The following USP48 variants were observed in gnomAD, a reference collection of about 807,000 sequenced individuals.
USP48 encodes the protein ubiquitin specific peptidase 48, also known as ubiquitin carboxyl-terminal hydrolase 48.
A neutral mutation model predicts 150.7 loss-of-function variants in USP48; 43 were observed. The ratio of observed to expected loss-of-function variants is 0.29; its 90% CI spans 0.22 to 0.37. The LOEUF is 0.37. USP48 is among the 10% of genes least tolerant of loss of function. USP48 has a pLI of 1.00. For synonymous variants in USP48, 396 were observed against 425.9 expected (o/e 0.93, Z 0.86); for missense variants, 813 against 1,249.6 (o/e 0.65, Z 5.27).
At chr1:21,729,277 G>A (rs938327246) in intron 10 of USP48, among the ~76,000 whole-genome samples, 5 of 137,648 alleles carry the variant, frequency 3.6e-5, no homozygotes, top group Admixed American at 1.5e-4. Context: ...ATGAGACTCC[G>A]CCTCAAAAAA....
At chr1:21,697,766 G>A (rs35196659) in intron 22 of USP48, among the ~76,000 whole-genome samples, 7,712 of 151,552 alleles carry the variant, frequency 0.051, 243 homozygotes, top group Middle Eastern at 0.059. Flanking sequence ...TTTTATTTTA[G>A]AAGTACAAAA....
At chr1:21,694,494 C>T (rs1158768843) in intron 23 of USP48, among the ~76,000 whole-genome samples, 14 of 135,196 alleles carry the variant, frequency 1.0e-4, no homozygotes, top group Admixed American at 7.6e-4. Flanking sequence ...TGCTTGAACC[C>T]GGTAGGCGGA....
At chr1:21,721,226 T>C (rs2097720031) in intron 13 of USP48, 60 bp from the exon 14 acceptor site, 1 of 1,584,676 alleles carries the variant, frequency 6.3e-7, no homozygotes, top group Non-Finnish European at 8.6e-7. Context: ...TGTCCTCCCT[T>C]CTTTGCCTGT....
chr1:21,687,159 T>C, intron 25 of USP48, 32 bp downstream of exon 25: 1 of 1,605,464 alleles, frequency 6.2e-7, no homozygotes, highest in Non-Finnish European at 8.5e-7. Context: ...TAAAACCTAA[T>C]CAGCAGATTC....
intron 21 of USP48, 37 bp downstream of exon 21, chr1:21,703,475 G>C (rs751590237): frequency 1.3e-6 from 2 of 1,529,538 alleles, no homozygotes; most frequent in East Asian, 2.3e-5. Context: ...GAGCACGCTT[G>C]ATCATTACTA....
At chr1:21,683,869 G>A (rs2097573602) in intron 25 of USP48, among the ~76,000 whole-genome samples, 1 of 152,144 alleles carries the variant, frequency 6.6e-6, no homozygotes, top group East Asian at 1.9e-4. Flanking sequence ...ACGTATGAGT[G>A]AGAAAATACA....
In USP48 at chr1:21,679,361, T is replaced by A; in HGVS notation, c.*56A>T. 6.2e-7 allele frequency: 1 copy of A among 1,610,200 alleles called. No homozygotes were observed. ...CCACCTTTGCTTTAATGCCCTAACA[T>A]GTCAAACTCCTCTTCCCCTCTGGTC... is the stretch of plus-strand genomic sequence containing the variant. On this transcript the variant is annotated 3_prime_UTR_variant, in exon 27 of 27. Coordinates refer to ENST00000308271, the MANE Select transcript of USP48 (RefSeq NM_032236.8).
At chr1:21,706,342 T>C in intron 17 of USP48, 125 bp downstream of exon 17, 1 of 1,518,950 alleles carries the variant, frequency 6.6e-7, no homozygotes, top group Non-Finnish European at 8.9e-7. Flanking sequence ...GTAAATCCCC[T>C]GGTTAGATAA....
At chr1:21,695,037 G>C (rs1367503903) in intron 23 of USP48, 29 bp downstream of exon 23, 4 of 1,598,662 alleles carry the variant, frequency 2.5e-6, no homozygotes, top group African/African-American at 1.3e-5. Context: ...TTTAAGTCCA[G>C]AGCAAACTTG....
intron 22 of USP48, among the ~76,000 whole-genome samples, chr1:21,699,743 T>C (rs956959827): frequency 3.2e-4 from 48 of 151,548 alleles, no homozygotes; most frequent in Middle Eastern, 3.4e-3. Flanking sequence ...GTCGAACTCT[T>C]AACCTCAAGT....
Position 21,748,243 on chromosome 1 carries a change from T to C in USP48, c.803A>G (p.Tyr268Cys). The C allele has an allele frequency of 6.2e-7, 1 of 1,613,302 alleles. No homozygotes were observed. The highest frequency in any genetic ancestry group is 8.5e-7 in the Non-Finnish European group (1 of 1,179,738). ...TTTGCTTTGACAGTTCTCGCAAAAA[T>C]AGCGATTGTCTCCTTCTAATTTTTC... ...KEEKLEGDNR[Y>C]FCENCQSKQN... Residue 268 changes from tyrosine (Y) to cysteine (C), a missense_variant, in exon 7 of 27, where the codon TAT becomes TGT. Coordinates refer to ENST00000308271, the MANE Select transcript of USP48 (RefSeq NM_032236.8).
chr1:21,753,090 G>A lies in USP48; in HGVS notation c.442C>T (p.Leu148Phe). 6.2e-7 allele frequency: 1 copy of A among 1,610,312 alleles called. No individual in the cohort carries two copies. Among genetic ancestry groups the A allele is most frequent in the Non-Finnish European group, 8.5e-7 (1 of 1,179,140 alleles). ...TGCAACAAGGCAAACAAGTACTGGA[G>A]ATGCTCACAAATTGTTTGAGGCTCA... ...DYEPQTICEH[L>F]QYLFALLQNS... Residue 148 changes from leucine (L) to phenylalanine (F), a missense_variant, in exon 4 of 27, where the codon CTC (leucine) becomes TTC (phenylalanine). Transcript: ENST00000308271.
chr1:21,755,287 G>GTTA (rs2097829309), intron 3 of USP48, among the ~76,000 whole-genome samples: 4 of 151,962 alleles, frequency 2.6e-5, no homozygotes, highest in Admixed American at 2.0e-4. Flanking sequence ...AAGGCCAGGT[G>GTTA]CTGTGGCTCA....
In USP48 at chr1:21,746,934, CCAGA is replaced by C. The variant is rs1394747925; in HGVS notation, c.991+129_991+132del. 1.1e-5 allele frequency: 7 copies of C among 633,348 alleles called. No individual in the cohort carries two copies. The Admixed American group carries it at 2.1e-4, about 19-fold the overall frequency. The allele number at this position is 633,348 out of a possible 1,614,324, so 39.2% of individuals were successfully genotyped here. ...GGCTCTCCTAAAAAAGTCTTTGTTC[CCAGA>C]CAGAGGTTCCCAGAGAGAGATTAGC... On this transcript the variant is annotated intron_variant, in intron 8 of 26. Coordinates refer to ENST00000308271, the MANE Select transcript of USP48 (RefSeq NM_032236.8).
At chr1:21,746,025 A>T (rs1163684192) in intron 8 of USP48, among the ~76,000 whole-genome samples, 1 of 152,192 alleles carries the variant, frequency 6.6e-6, no homozygotes. Flanking sequence ...ATATTTATTT[A>T]GCACATTCCT....
intron 22 of USP48, among the ~76,000 whole-genome samples, chr1:21,700,104 T>A (rs1468302424): frequency 2.0e-5 from 3 of 151,426 alleles, no homozygotes; most frequent in Non-Finnish European, 4.4e-5. Flanking sequence ...GCACAAGATG[T>A]ATATATGCAC....
chr1:21,712,810 T>C (rs895118214), intron 15 of USP48, among the ~76,000 whole-genome samples: 2 of 151,908 alleles, frequency 1.3e-5, no homozygotes, highest in African/African-American at 4.8e-5. Flanking sequence ...TGTATTTTTG[T>C]AGAGATGGGG....
intron 9 of USP48, among the ~76,000 whole-genome samples, chr1:21,731,675 G>T (rs1002930363): frequency 1.3e-5 from 2 of 151,826 alleles, no homozygotes; most frequent in African/African-American, 4.8e-5. Context: ...GAGGTCAGGA[G>T]TTCGAGGCCA....
intron 8 of USP48, among the ~76,000 whole-genome samples, chr1:21,746,520 C>T (rs761135815): frequency 9.2e-5 from 14 of 152,086 alleles, no homozygotes; most frequent in Admixed American, 2.0e-4. Context: ...TAAAACAGTC[C>T]TTTCTCTAGT....
Sources: allele counts gnomAD v4.1 joint callset (sites outside exome capture counted in the v4.1 genomes callset), GRCh38; gene constraint gnomAD v4.1.1; transcripts MANE v1.5; gene names NCBI Gene and HGNC (gene_info 2026-07-23, HGNC 2026-07-21).